Variants in SLC44A5 observed in about 807,000 individuals in gnomAD.
SLC44A5 encodes choline transporter-like protein 5.
Under a neutral mutation model 101.8 loss-of-function variants are expected in SLC44A5, and 57 were observed. That is an observed-to-expected ratio of 0.56 (90% CI 0.45 to 0.70). The LOEUF (loss-of-function observed/expected upper bound fraction) is 0.70. Among genes scored for constraint, SLC44A5 ranks in the 30% least tolerant of loss-of-function variants. The pLI, the probability that SLC44A5 is intolerant of heterozygous loss-of-function variation, is 0.00. For synonymous variants in SLC44A5, 281 were observed against 290.9 expected (o/e 0.97, Z 0.35); for missense variants, 737 against 853.1 (o/e 0.86, Z 1.70).
the SLC44A5 span, among the ~76,000 whole-genome samples, chr1:75,634,619 G>A: frequency 6.6e-6 from 1 of 151,436 alleles, no homozygotes; most frequent in Non-Finnish European, 1.5e-5. Flanking sequence ...TATGTAGAAA[G>A]CTGAAACTGG....
chr1:75,627,515 C>CA, the SLC44A5 span, among the ~76,000 whole-genome samples: 1 of 151,930 alleles, frequency 6.6e-6, no homozygotes, highest in Non-Finnish European at 1.5e-5. Context: ...CTTGTCTGTA[C>CA]AAAAAAATTT....
chr1:75,552,935 G>A (rs1413169184), intron 1 of SLC44A5, among the ~76,000 whole-genome samples: 2 of 152,004 alleles, frequency 1.3e-5, no homozygotes, highest in Middle Eastern at 3.2e-3. Flanking sequence ...AAAGAATGAG[G>A]GAGGTTTTTT....
In SLC44A5 at chr1:75,503,167, C is replaced by T. The variant is rs566223886; in HGVS notation, c.13+38268G>A. Among the ~76,000 whole-genome samples, 6 of 152,114 alleles carry T rather than the reference C, an allele frequency of 3.9e-5. No individual in the cohort carries two copies. The South Asian group carries it at 1.0e-3, about 26-fold the overall frequency. ...ACTTTACCTCAACTCTTTCTCAAAT[C>T]TTCTCTCAAGTCAGGCCAATTAACA... is the stretch of plus-strand genomic sequence containing the variant. On this transcript the variant is annotated intron_variant, in intron 2 of 23. Transcript: ENST00000370859.
At chr1:75,682,114 T>C in the SLC44A5 span, among the ~76,000 whole-genome samples, 3 of 152,032 alleles carry the variant, frequency 2.0e-5, no homozygotes, top group Non-Finnish European at 2.9e-5. Context: ...AGGATACAAA[T>C]AAATGGAAGA....
chr1:75,377,227 G>T (rs909246965), intron 3 of SLC44A5, among the ~76,000 whole-genome samples: 1 of 135,200 alleles, frequency 7.4e-6, no homozygotes, highest in Non-Finnish European at 1.6e-5. Flanking sequence ...CCCCAACCCC[G>T]TGCTCTCTGA....
At chr1:75,209,598 A>G (rs922729322) in intron 23 of SLC44A5, among the ~76,000 whole-genome samples, 1 of 152,218 alleles carries the variant, frequency 6.6e-6, no homozygotes, top group African/African-American at 2.4e-5. Context: ...GCTAACTAGT[A>G]CATAAAGTTC....
At chr1:75,617,957 G>A in the SLC44A5 span, among the ~76,000 whole-genome samples, 2 of 152,050 alleles carry the variant, frequency 1.3e-5, no homozygotes, top group Non-Finnish European at 2.9e-5. Flanking sequence ...CCACACCCAT[G>A]AGTTGAAAAG....
At chr1:75,262,664 G>A (rs1032872218) in intron 6 of SLC44A5, among the ~76,000 whole-genome samples, 15 of 151,996 alleles carry the variant, frequency 9.9e-5, no homozygotes, top group South Asian at 2.1e-4. Context: ...AAAAGAGCCC[G>A]CATTGCCAAG....
chr1:75,387,160 C>T (rs1661420232), intron 3 of SLC44A5, among the ~76,000 whole-genome samples: 1 of 152,180 alleles, frequency 6.6e-6, no homozygotes, highest in African/African-American at 2.4e-5. Flanking sequence ...GCAAGGACTT[C>T]ATGTCTAAAA....
At chr1:75,663,744 A>G in the SLC44A5 span, among the ~76,000 whole-genome samples, 1 of 152,194 alleles carries the variant, frequency 6.6e-6, no homozygotes, top group South Asian at 2.1e-4. Flanking sequence ...ATTCTACTGA[A>G]ACTATTCTTA....
chr1:75,695,123 T>C, the SLC44A5 span, among the ~76,000 whole-genome samples: 4 of 152,204 alleles, frequency 2.6e-5, no homozygotes, highest in Admixed American at 1.3e-4. Context: ...ACTTAATTTA[T>C]GTCACCAAAT....
intron 1 of SLC44A5, among the ~76,000 whole-genome samples, chr1:75,568,649 T>C (rs1387404661): frequency 2.6e-5 from 4 of 152,218 alleles, no homozygotes; most frequent in Non-Finnish European, 5.9e-5. Context: ...TCCATATTTC[T>C]CAAAGTGGCC....
At chr1:75,632,374 GCTA>G in the SLC44A5 span, among the ~76,000 whole-genome samples, 1 of 144,944 alleles carries the variant, frequency 6.9e-6, no homozygotes, top group Non-Finnish European at 1.5e-5. Flanking sequence ...TTCAGAAGGA[GCTA>G]CTTCTTTTTT....
chr1:75,541,322 G>A (rs1671344310), intron 2 of SLC44A5, 113 bp downstream of exon 2: 2 of 789,786 alleles, frequency 2.5e-6, no homozygotes, highest in Non-Finnish European at 4.1e-6. Context: ...AGCTTCCAGT[G>A]ACAACATAGT....
At chr1:75,287,034 T>C (rs1653110156) in intron 5 of SLC44A5, among the ~76,000 whole-genome samples, 1 of 152,180 alleles carries the variant, frequency 6.6e-6, no homozygotes, top group Admixed American at 6.5e-5. Flanking sequence ...CTCAAATATG[T>C]TATCCAAACT....
chr1:75,264,902 C>A (rs147293147), intron 6 of SLC44A5, among the ~76,000 whole-genome samples: 8 of 151,346 alleles, frequency 5.3e-5, no homozygotes, highest in African/African-American at 1.7e-4. Context: ...GAGAGAAGAC[C>A]CAAATAAATA....
chr1:75,657,753 T>C, the SLC44A5 span, among the ~76,000 whole-genome samples: 1 of 152,090 alleles, frequency 6.6e-6, no homozygotes, highest in Admixed American at 6.6e-5. Context: ...GCCCCCAACA[T>C]TGGAGCACTG....
rs1484200230 is a variant in SLC44A5 at position 75,582,597 on chromosome 1, T to G, written c.-70+28443A>C. On this transcript the variant is annotated intron_variant, in intron 1 of 23. Coordinates refer to ENST00000370859, the MANE Select transcript of SLC44A5 (RefSeq NM_001130058.2). ...TCTGCCAATATGAGGACAGAAGGAC[T>G]GGTGTGACCCGCCCTGCACTGCCGT... The G allele has an allele frequency of 1.1e-5, 4 of 352,662 alleles. No individual in the cohort carries two copies. The Admixed American group carries it at 1.2e-4, about 11-fold the overall frequency. The allele number at this position is 352,662 out of a possible 1,614,324, so 21.8% of individuals were successfully genotyped here. A position where few individuals can be genotyped will look rare whatever the true frequency, so the allele number is the denominator to read the frequency against.
rs190959616 is a variant in SLC44A5 at position 75,576,259 on chromosome 1, T to C, written c.-69-34743A>G. Among the ~76,000 whole-genome samples, 310 of 150,916 alleles carry C rather than the reference T, an allele frequency of 2.1e-3. 1 individual carries two copies. The highest frequency in any genetic ancestry group is 7.2e-3 in the African/African-American group (297 of 41,206). On this transcript the variant is annotated intron_variant, in intron 1 of 23. Coordinates refer to ENST00000370859, the MANE Select transcript of SLC44A5 (RefSeq NM_001130058.2). ...ATGGAGATGAAGTTGGAGATGGAGA[T>C]AGAGATAGAGACAGAGAGAAACCAA...
Sources: allele counts gnomAD v4.1 joint callset (sites outside exome capture counted in the v4.1 genomes callset), GRCh38; gene constraint gnomAD v4.1.1; transcripts MANE v1.5; gene names NCBI Gene and HGNC (gene_info 2026-07-23, HGNC 2026-07-21).